The following TMEM161B variants were observed in gnomAD, a reference collection of about 807,000 sequenced individuals.
The protein encoded by TMEM161B is transmembrane protein 161B.
In TMEM161B, 34 loss-of-function variants were observed where a neutral mutation model predicts 61.8. The observed-to-expected ratio is 0.55, with a 90% CI of 0.42 to 0.73. The LOEUF (loss-of-function observed/expected upper bound fraction) is 0.73. TMEM161B is among the 30% of genes least tolerant of loss of function. The pLI is 0.00. For missense variants in TMEM161B, 456 were observed against 558.5 expected (o/e 0.82, Z 1.85); for synonymous variants, 167 against 192.8 (o/e 0.87, Z 1.11).
intron 2 of TMEM161B, among the ~76,000 whole-genome samples, chr5:88,240,431 G>GC (rs1413364047): frequency 6.6e-6 from 1 of 151,640 alleles, no homozygotes; most frequent in Non-Finnish European, 1.5e-5. Flanking sequence ...TGTTTTCAGT[G>GC]CCCACAGACC....
Position 88,195,871 on chromosome 5 carries a change from A to G in TMEM161B, c.*340T>C, listed in dbSNP as rs1749543953. 2.9e-6 allele frequency: 3 copies of G among 1,037,460 alleles called. No individual in the cohort carries two copies. The highest frequency in any genetic ancestry group is 3.5e-6 in the Non-Finnish European group (3 of 863,726). 64.3% of individuals were successfully genotyped at this position (1,037,460 alleles called of 1,614,324 possible). A position where few individuals can be genotyped will look rare whatever the true frequency, so the allele number is the denominator to read the frequency against. On this transcript the variant is annotated 3_prime_UTR_variant, in exon 12 of 12. Transcript: ENST00000296595. Reference sequence around the variant, plus strand: ...ACCATAAAACCATTAAAAGCAATCAATAACTAGAGTCATGTGAGATGTTTC... The same window carrying G: ...ACCATAAAACCATTAAAAGCAATCAGTAACTAGAGTCATGTGAGATGTTTC...
rs1348897026 is a variant in TMEM161B at position 88,205,083 on chromosome 5, C to T, written c.800+731G>A. 2.6e-5 allele frequency among the ~76,000 whole-genome samples: 4 copies of T among 152,126 alleles called. No individual in the cohort carries two copies. The East Asian group carries it at 7.7e-4, about 29-fold the overall frequency. On this transcript the variant is annotated intron_variant, in intron 8 of 11. Transcript: ENST00000296595. Reference sequence around the variant, plus strand: ...ACGATGAGACAGGAACTTTGATCTGCATATGATTTGAAGTAGATATAAGCC... The same window carrying T: ...ACGATGAGACAGGAACTTTGATCTGTATATGATTTGAAGTAGATATAAGCC...
chr5:88,255,548 G>A (rs553273607), intron 1 of TMEM161B, among the ~76,000 whole-genome samples: 2 of 152,144 alleles, frequency 1.3e-5, no homozygotes, highest in Admixed American at 1.3e-4. Context: ...CTACAAAATG[G>A]CAATTTCATA....
downstream of TMEM161B, among the ~76,000 whole-genome samples, chr5:88,194,319 T>C (rs186870885): frequency 2.0e-5 from 3 of 152,258 alleles, no homozygotes; most frequent in Non-Finnish European, 4.4e-5. Flanking sequence ...TCAAAGAACA[T>C]AGTTTCATTC....
chr5:88,230,873 G>A (rs1750871648), intron 2 of TMEM161B, among the ~76,000 whole-genome samples: 1 of 152,164 alleles, frequency 6.6e-6, no homozygotes, highest in Admixed American at 6.5e-5. Flanking sequence ...ATAGCTGCAG[G>A]ATGGAGCTGA....
In TMEM161B at chr5:88,209,731, T is replaced by C. The variant is rs181913853; in HGVS notation, c.447-2551A>G. ...TCCCAATAACCCGTATGTAATACTA[T>C]GATCTGGCCACACTCACATGTTCAA... is the stretch of plus-strand genomic sequence containing the variant. On this transcript the variant is annotated intron_variant, in intron 5 of 11. Coordinates refer to ENST00000296595, the MANE Select transcript of TMEM161B (RefSeq NM_153354.5). Among the ~76,000 whole-genome samples the C allele has an allele frequency of 2.0e-3, 303 of 152,330 alleles. 2 individuals are homozygous for C. Among genetic ancestry groups the C allele is most frequent in the African/African-American group, 6.7e-3 (278 of 41,580 alleles).
intron 2 of TMEM161B, among the ~76,000 whole-genome samples, chr5:88,231,429 T>C (rs1207025442): frequency 6.6e-6 from 1 of 152,186 alleles, no homozygotes; most frequent in East Asian, 1.9e-4. Context: ...TGCAGTATAC[T>C]CAGTTGGTTT....
chr5:88,214,449 T>TG (rs2112479219), intron 5 of TMEM161B, among the ~76,000 whole-genome samples: 1 of 151,834 alleles, frequency 6.6e-6, no homozygotes, highest in Non-Finnish European at 1.5e-5. Context: ...GAAAGATTCT[T>TG]GGGAAAAAAA....
At chr5:88,250,345 T>C (rs1183084834) in intron 1 of TMEM161B, among the ~76,000 whole-genome samples, 1 of 152,040 alleles carries the variant, frequency 6.6e-6, no homozygotes, top group Non-Finnish European at 1.5e-5. Context: ...CAAGACGTGT[T>C]ACAAAAGAAA....
chr5:88,220,576 A>C lies in TMEM161B; in HGVS notation c.433T>G (p.Leu145Val). Reference protein sequence around the residue: ...NISLVWCLLVLSFAIKVLFSL... With the variant: ...NISLVWCLLVVSFAIKVLFSL... ...TTTGAAGGATACATTGCAAAAGACA[A>C]AACAAGTAGGCACCAGACTAAGCTG... is the stretch of plus-strand genomic sequence containing the variant. The change falls in exon 5 of 12, where the codon TTG (leucine) becomes GTG (valine). Residue 145 changes from leucine to valine, a missense_variant. Leu to Val is a conservative substitution (Grantham distance 32, BLOSUM62 1). This residue lies in a region of TMEM161B where 367 missense variants were observed against 427.3 expected (regional missense o/e 0.86). Transcript: ENST00000296595. 1.3e-6 allele frequency: 2 copies of C among 1,575,794 alleles called. No individual in the cohort carries two copies. The highest frequency in any genetic ancestry group is 1.7e-6 in the Non-Finnish European group (2 of 1,167,958).
chr5:88,202,339 T>C (rs571907195), intron 9 of TMEM161B: 16 of 258,956 alleles, frequency 6.2e-5, no homozygotes, highest in Non-Finnish European at 1.2e-4. Flanking sequence ...GTTGCCTAAC[T>C]GTAGAAATAT....
intron 1 of TMEM161B, among the ~76,000 whole-genome samples, chr5:88,266,647 C>A (rs1037357340): frequency 1.3e-5 from 2 of 152,162 alleles, no homozygotes; most frequent in Non-Finnish European, 2.9e-5. Context: ...TACTAATGTT[C>A]TTTTCATAAT....
chr5:88,230,533 T>G (rs2112591930), intron 2 of TMEM161B, among the ~76,000 whole-genome samples: 1 of 152,352 alleles, frequency 6.6e-6, no homozygotes, highest in Admixed American at 6.5e-5. Flanking sequence ...TTTCATGATC[T>G]GACCAATGCC....
At chr5:88,247,776 G>A (rs1002840941) in intron 1 of TMEM161B, among the ~76,000 whole-genome samples, 6 of 151,892 alleles carry the variant, frequency 4.0e-5, no homozygotes, top group South Asian at 2.1e-4. Context: ...TCAACTACCC[G>A]GTTACTGATG....
chr5:88,206,535 T>A, intron 6 of TMEM161B, 36 bp from the exon 7 acceptor site: 1 of 1,472,860 alleles, frequency 6.8e-7, no homozygotes, highest in South Asian at 1.3e-5. Flanking sequence ...CAGATTACTC[T>A]TATCACAAAT....
chr5:88,220,781 T>C, intron 4 of TMEM161B, 62 bp from the exon 5 acceptor site: 1 of 1,487,314 alleles, frequency 6.7e-7, no homozygotes, highest in Non-Finnish European at 8.9e-7. Flanking sequence ...ACTTACATTT[T>C]CATAAATAAC....
intron 1 of TMEM161B, among the ~76,000 whole-genome samples, chr5:88,257,675 C>G (rs1299451377): frequency 1.3e-5 from 2 of 152,192 alleles, no homozygotes; most frequent in African/African-American, 4.8e-5. Flanking sequence ...TTGGCATTCA[C>G]AGATTTAACA....
chr5:88,218,132 A>G (rs1393987640), intron 5 of TMEM161B, among the ~76,000 whole-genome samples: 1 of 152,166 alleles, frequency 6.6e-6, no homozygotes, highest in Non-Finnish European at 1.5e-5. Flanking sequence ...TAAAAATATA[A>G]ACATATTTCT....
downstream of TMEM161B, among the ~76,000 whole-genome samples, chr5:88,187,626 CT>C (rs1167435257): frequency 1.2e-4 from 19 of 152,180 alleles, no homozygotes; most frequent in African/African-American, 4.3e-4. Flanking sequence ...TGTATTCTTA[CT>C]TTTTAAATGT....
Sources: allele counts gnomAD v4.1 joint callset (sites outside exome capture counted in the v4.1 genomes callset), GRCh38; gene constraint gnomAD v4.1.1; regional missense constraint gnomAD v4.1.1; transcripts MANE v1.5; gene names NCBI Gene and HGNC (gene_info 2026-07-23, HGNC 2026-07-21).